Variants in ANK2 observed in about 807,000 individuals in gnomAD.
ANK2 encodes ankyrin-2.
A neutral mutation model predicts 360.5 loss-of-function variants in ANK2; 83 were observed. That is an observed-to-expected ratio of 0.23 (90% CI 0.19 to 0.28). The LOEUF (loss-of-function observed/expected upper bound fraction) is 0.28. Among genes scored for constraint, ANK2 ranks in the 10% least tolerant of loss-of-function variants. ANK2 has a pLI of 1.00. For missense variants in ANK2, 4,201 were observed against 4,795.7 expected, an observed-to-expected ratio of 0.88 and a Z score of 3.66; for synonymous variants, 1,740 against 1,759.5, an observed-to-expected ratio of 0.99 and a Z score of 0.28.
rs932864935 is a variant in ANK2 at position 113,186,560 on chromosome 4, G to GTCTCTC, written c.187-9786_187-9781dup. ...CCTCCCCTCCTGGATATCTTCCCGT[G>GTCTCTC]TCTCTCTCTCTCTCTCTCTCTCTCT... On this transcript the variant is annotated intron_variant, in intron 2 of 45. Transcript: ENST00000357077. 1.3e-4 allele frequency among the ~76,000 whole-genome samples: 9 copies of GTCTCTC among 71,642 alleles called. 1 individual carries two copies. The highest frequency in any genetic ancestry group is 6.8e-4 in the African/African-American group (7 of 10,328). The allele number at this position is 71,642 out of a possible 152,430, so 47.0% of individuals were successfully genotyped here. A position where few individuals can be genotyped will look rare whatever the true frequency, so the allele number is the denominator to read the frequency against.
At chr4:112,747,765 A>G in the ANK2 span, among the ~76,000 whole-genome samples, 1 of 152,190 alleles carries the variant, frequency 6.6e-6, no homozygotes, top group Non-Finnish European at 1.5e-5. Flanking sequence ...GTAACAGAAG[A>G]CATTAAATAC....
chr4:113,028,350 G>C (rs1247954879), intron 2 of ANK2, among the ~76,000 whole-genome samples: 7 of 152,198 alleles, frequency 4.6e-5, no homozygotes, highest in Non-Finnish European at 8.8e-5. Flanking sequence ...AGGTCAGTCA[G>C]AACACAGCAA....
At chr4:112,745,531 CT>C in the ANK2 span, among the ~76,000 whole-genome samples, 121 of 123,108 alleles carry the variant, frequency 9.8e-4, no homozygotes, top group Middle Eastern at 4.6e-3. Flanking sequence ...AGTACTAGAT[CT>C]TTTTTTTTTT....
chr4:113,135,502 C>A (rs1219024482), intron 1 of ANK2, among the ~76,000 whole-genome samples: 1 of 144,664 alleles, frequency 6.9e-6, no homozygotes, highest in Non-Finnish European at 1.5e-5. Flanking sequence ...ATGGCCAAAC[C>A]ATAGAGCTGT....
At chr4:113,082,602 C>G (rs1003703945) in intron 1 of ANK2, among the ~76,000 whole-genome samples, 1 of 152,188 alleles carries the variant, frequency 6.6e-6, no homozygotes, top group Non-Finnish European at 1.5e-5. Flanking sequence ...ATTTTACCTT[C>G]CATTTTGTCA....
intron 1 of ANK2, among the ~76,000 whole-genome samples, chr4:113,128,961 A>G (rs1358903249): frequency 6.6e-6 from 1 of 152,152 alleles, no homozygotes; most frequent in Non-Finnish European, 1.5e-5. Context: ...TAATTTTCCA[A>G]CAGAAGAAAA....
At position 112,870,928 on chromosome 4, in the gene ANK2, T is replaced by A. The variant is rs189871463; in HGVS notation, c.-39-33527T>A. Among the ~76,000 whole-genome samples, 1,143 of 152,326 alleles carry A rather than the reference T, an allele frequency of 7.5e-3. 6 individuals are homozygous for A. The highest frequency in any genetic ancestry group is 0.013 in the Non-Finnish European group (852 of 68,038). On this transcript the variant is annotated intron_variant, in intron 1 of 30. Transcript: ENST00000503271. The stretch of plus-strand genomic sequence containing the variant: ...TTCCAATACATAAACATGGACTATC[T>A]TTCCATTTATTTAGGTCCTCATTGA...
chr4:112,710,903 T>TTATATATATATA, the ANK2 span, among the ~76,000 whole-genome samples: 82 of 141,282 alleles, frequency 5.8e-4, 1 homozygote, highest in African/African-American at 2.0e-3. Flanking sequence ...TGAACAGGTT[T>TTATATATATATA]TATATATATA....
intron 36 of ANK2, 22 bp downstream of exon 36, chr4:113,348,330 T>A (rs912648597): frequency 6.2e-7 from 1 of 1,611,556 alleles, no homozygotes; most frequent in African/African-American, 1.3e-5. Context: ...ACAGTGTCAC[T>A]TGTTATCGGC....
At chr4:113,207,081 T>TA (rs1355195693) in intron 4 of ANK2, among the ~76,000 whole-genome samples, 4 of 151,844 alleles carry the variant, frequency 2.6e-5, no homozygotes, top group Non-Finnish European at 5.9e-5. Flanking sequence ...AAGCCAACAC[T>TA]AAAATTACTA....
chr4:113,359,217 T>A lies in ANK2; in HGVS notation c.10599T>A (p.Phe3533Leu). 6.2e-7 allele frequency: 1 copy of A among 1,613,558 alleles called. No individual in the cohort carries two copies. Among genetic ancestry groups the A allele is most frequent in the Non-Finnish European group, 8.5e-7 (1 of 1,179,622 alleles). Residue 3533 changes from phenylalanine to leucine, a missense_variant, in exon 38 of 46, where the codon TTT (phenylalanine) becomes TTA (leucine). By Grantham distance (22) the Phe-to-Leu change is conservative (BLOSUM62 0). Transcript: ENST00000357077. ...AGCACTCAGTTCCTGAGGACATCTT[T>A]GACACAAGGCCCATTTGGGATGAGT... ...ETEHSVPEDI[F>L]DTRPIWDESI...
chr4:113,267,375 G>A (rs999492797), intron 14 of ANK2, among the ~76,000 whole-genome samples: 1 of 152,088 alleles, frequency 6.6e-6, no homozygotes, highest in Non-Finnish European at 1.5e-5. Context: ...GGATTTTTAT[G>A]GCTTTAGGTC....
intron 26 of ANK2, among the ~76,000 whole-genome samples, chr4:113,327,803 C>A (rs1253819790): frequency 6.6e-6 from 1 of 152,168 alleles, no homozygotes; most frequent in Admixed American, 6.5e-5. Context: ...TCTGTATCCT[C>A]AGTTCTTAGC....
intron 2 of ANK2, among the ~76,000 whole-genome samples, chr4:113,181,494 TG>T (rs1239991339): frequency 6.6e-6 from 1 of 152,158 alleles, no homozygotes; most frequent in African/African-American, 2.4e-5. Context: ...TCCTAGGTGC[TG>T]GGGATGGAGC....
intron 2 of ANK2, among the ~76,000 whole-genome samples, chr4:112,920,651 C>T (rs1209716902): frequency 1.3e-5 from 2 of 152,144 alleles, no homozygotes; most frequent in African/African-American, 4.8e-5. Flanking sequence ...ACAGGTTTTA[C>T]CATATTAGTT....
In ANK2 at chr4:113,294,963, C is replaced by T. The variant is rs115518905; in HGVS notation, c.2475+1425C>T. Reference sequence around the variant, plus strand: ...TTAAAACAAGGTGTACATCACAATACGTGAAGCCTTTAGTGGCAAGATTGG... The same window carrying T: ...TTAAAACAAGGTGTACATCACAATATGTGAAGCCTTTAGTGGCAAGATTGG... On this transcript the variant is annotated intron_variant, in intron 22 of 45. Coordinates refer to ENST00000357077, the MANE Select transcript of ANK2 (RefSeq NM_001148.6). Among the ~76,000 whole-genome samples, 828 of 152,248 alleles carry T rather than the reference C, an allele frequency of 5.4e-3. 7 individuals carry two copies. Among genetic ancestry groups the T allele is most frequent in the African/African-American group, 0.018 (766 of 41,544 alleles).
At chr4:113,129,113 A>G (rs2095850316) in intron 1 of ANK2, among the ~76,000 whole-genome samples, 1 of 152,218 alleles carries the variant, frequency 6.6e-6, no homozygotes, top group South Asian at 2.1e-4. Context: ...ATAATAACTC[A>G]TAGAATAAAA....
At position 113,287,625 on chromosome 4, in the gene ANK2, C is replaced by T. The variant is rs1162358777; in HGVS notation, c.2100C>T (p.His700=). 1.4e-5 allele frequency: 23 copies of T among 1,612,540 alleles called. No individual in the cohort carries two copies. Among genetic ancestry groups the T allele is most frequent in the Non-Finnish European group, 2.0e-5 (23 of 1,178,766 alleles). Reference sequence around the variant, plus strand: ...TGTAGAGTGGACTCACATCCTTACACCTTGCAGCCCAGGAAGATAAAGTGA... The same window carrying T: ...TGTAGAGTGGACTCACATCCTTACATCTTGCAGCCCAGGAAGATAAAGTGA... ...MSTKSGLTSL[H]LAAQEDKVNV... is the part of the protein sequence containing the mutation. The change falls in exon 19 of 46, where the codon CAC becomes CAT. Residue 700 remains histidine (H), a synonymous_variant. Coordinates refer to ENST00000357077, the MANE Select transcript of ANK2 (RefSeq NM_001148.6).
chr4:113,009,475 T>A (rs2054005368), intron 2 of ANK2, among the ~76,000 whole-genome samples: 1 of 152,192 alleles, frequency 6.6e-6, no homozygotes, highest in African/African-American at 2.4e-5. Flanking sequence ...GCAAAAAACC[T>A]GTAAACACCA....
Sources: allele counts gnomAD v4.1 joint callset (sites outside exome capture counted in the v4.1 genomes callset), GRCh38; gene constraint gnomAD v4.1.1; transcripts MANE v1.5; gene names NCBI Gene and HGNC (gene_info 2026-07-23, HGNC 2026-07-21).